Variants in ACO1 observed in about 807,000 individuals in gnomAD.
The protein encoded by ACO1 is cytoplasmic aconitate hydratase.
In ACO1, 78 loss-of-function variants were observed where a neutral mutation model predicts 105.1. That is an observed-to-expected ratio of 0.74 (90% CI 0.62 to 0.90). The LOEUF is 0.90. Ranked by LOEUF, ACO1 falls within the 40% of genes least tolerant of loss-of-function variation. ACO1 has a pLI of 0.00. For synonymous variants in ACO1, 364 were observed against 397.4 expected (o/e 0.92, Z 1.00); for missense variants, 965 against 1,111.1 (o/e 0.87, Z 1.87).
chr9:32,411,154 G>A lies in ACO1; in HGVS notation c.404+2503G>A, dbSNP rs142703599. Among the ~76,000 whole-genome samples the A allele has an allele frequency of 2.6e-5, 4 of 152,312 alleles. No individual in the cohort carries two copies. The East Asian group carries it at 7.7e-4, about 29-fold the overall frequency. On this transcript the variant is annotated intron_variant, in intron 4 of 20. Coordinates refer to ENST00000309951, the MANE Select transcript of ACO1 (RefSeq NM_002197.3). ...CCCAAAGCTGGAATGGGGAAATACA[G>A]TCCACCCGTCTTCGGTGGAAGTAAC...
intron 8 of ACO1, among the ~76,000 whole-genome samples, chr9:32,422,184 C>T (rs1237948497): frequency 6.6e-6 from 1 of 152,218 alleles, no homozygotes; most frequent in Admixed American, 6.5e-5. Context: ...GGTTAGTTCC[C>T]GTGGTGCTGC....
In ACO1 at chr9:32,450,650, ACTC is replaced by A. The variant is rs1240681888; in HGVS notation, c.*543_*545del. The A allele has an allele frequency of 6.3e-6, 1 of 158,314 alleles. No homozygotes were observed. Among genetic ancestry groups the A allele is most frequent in the Admixed American group, 6.3e-5 (1 of 15,848 alleles). 9.8% of individuals were successfully genotyped at this position (158,314 alleles called of 1,614,324 possible). ...TTTTCCTTCAGAGTGAATCATCCAG[ACTC>A]CTCATGGATAGGTCGGGTGTTAAAG... On this transcript the variant is annotated 3_prime_UTR_variant, in exon 21 of 21. Transcript: ENST00000309951.
chr9:32,449,617 A>C (rs879716822), intron 20 of ACO1, among the ~76,000 whole-genome samples: 9 of 152,204 alleles, frequency 5.9e-5, no homozygotes, highest in Admixed American at 2.0e-4. Flanking sequence ...CCTAAGGGAC[A>C]ACCTTAATGA....
chr9:32,418,802 G>A (rs1487191026), intron 6 of ACO1, among the ~76,000 whole-genome samples: 3 of 152,192 alleles, frequency 2.0e-5, no homozygotes, highest in Non-Finnish European at 4.4e-5. Flanking sequence ...TTCTTTGCAT[G>A]TGGCATCAAG....
chr9:32,421,904 A>C (rs1166778172), intron 8 of ACO1, among the ~76,000 whole-genome samples: 5 of 152,218 alleles, frequency 3.3e-5, no homozygotes, highest in Non-Finnish European at 7.3e-5. Flanking sequence ...ACAGACTCCA[A>C]ATAAATCTTA....
At chr9:32,391,479 T>C (rs1408666295) in intron 1 of ACO1, among the ~76,000 whole-genome samples, 3 of 152,252 alleles carry the variant, frequency 2.0e-5, no homozygotes, top group Non-Finnish European at 2.9e-5. Context: ...TCTGCTGTTA[T>C]CTTTGGTGTC....
chr9:32,390,326 G>A (rs1277460577), intron 1 of ACO1, among the ~76,000 whole-genome samples: 1 of 152,164 alleles, frequency 6.6e-6, no homozygotes, highest in Non-Finnish European at 1.5e-5. Context: ...TCTCTACTTT[G>A]GTATTTGCTC....
intron 1 of ACO1, among the ~76,000 whole-genome samples, chr9:32,390,076 G>A (rs534773525): frequency 6.6e-6 from 1 of 152,188 alleles, no homozygotes; most frequent in African/African-American, 2.4e-5. Context: ...GGGATTACAG[G>A]CATGAGCCAC....
At chr9:32,438,146 A>G (rs974430397) in intron 18 of ACO1, among the ~76,000 whole-genome samples, 1 of 152,220 alleles carries the variant, frequency 6.6e-6, no homozygotes, top group African/African-American at 2.4e-5. Flanking sequence ...GCTCACATGA[A>G]ACAACAGGAA....
intron 19 of ACO1, 45 bp from the exon 20 acceptor site, chr9:32,448,851 A>C (rs371204549): frequency 6.2e-7 from 1 of 1,609,484 alleles, no homozygotes; most frequent in African/African-American, 1.3e-5. Flanking sequence ...GTGTATCCAA[A>C]GAAAAGATTG....
intron 1 of ACO1, among the ~76,000 whole-genome samples, chr9:32,394,143 T>C (rs1217634639): frequency 1.3e-5 from 2 of 152,248 alleles, no homozygotes; most frequent in Non-Finnish European, 2.9e-5. Flanking sequence ...CACACTTTTG[T>C]GCCTTTAATG....
chr9:32,408,071 A>G (rs547254553), intron 3 of ACO1, among the ~76,000 whole-genome samples: 20 of 152,326 alleles, frequency 1.3e-4, no homozygotes, highest in African/African-American at 4.8e-4. Flanking sequence ...TTCATTTAAC[A>G]TGAATTTGAT....
At chr9:32,427,951 T>A (rs879771037) in intron 12 of ACO1, among the ~76,000 whole-genome samples, 1 of 152,162 alleles carries the variant, frequency 6.6e-6, no homozygotes, top group Non-Finnish European at 1.5e-5. Context: ...TTGAAGTTTT[T>A]ATTTTTTTAC....
In ACO1 at chr9:32,433,829, C is replaced by T. The variant is rs554093149; in HGVS notation, c.1953C>T (p.Asn651=). Residue 651 remains asparagine (N), a synonymous_variant, in exon 16 of 21, where the codon AAC becomes AAT. Coordinates refer to ENST00000309951, the MANE Select transcript of ACO1 (RefSeq NM_002197.3). ...TYIKSPPFFE[N]LTLDLQPPKS... is the part of the protein sequence containing the mutation. The stretch of plus-strand genomic sequence containing the variant: ...TCAAATCACCACCATTCTTTGAAAA[C>T]CTGGTATGGCTTTTTATTTTTTAAC... 152 of 1,587,126 alleles carry T rather than the reference C, an allele frequency of 9.6e-5. No homozygotes were observed. Among genetic ancestry groups the T allele is most frequent in the Non-Finnish European group, 2.6e-6 (3 of 1,168,790 alleles).
chr9:32,384,783 C>G (rs1429917157), intron 1 of ACO1, 48 bp downstream of exon 1: 2 of 355,746 alleles, frequency 5.6e-6, no homozygotes, highest in Non-Finnish European at 1.1e-5. Context: ...GGAGCGCCGT[C>G]CACCCTGTAT....
chr9:32,422,937 T>C (rs148557551), intron 8 of ACO1, among the ~76,000 whole-genome samples: 164 of 152,344 alleles, frequency 1.1e-3, no homozygotes, highest in African/African-American at 3.6e-3. Context: ...ACGGTAATCA[T>C]GTGGAATGCT....
chr9:32,426,333 G>A (rs995757551), intron 11 of ACO1, among the ~76,000 whole-genome samples: 3 of 152,166 alleles, frequency 2.0e-5, no homozygotes, highest in East Asian at 1.9e-4. Flanking sequence ...TTTGTTCTCC[G>A]TGAAACCCCT....
chr9:32,398,434 G>C (rs970451386), intron 1 of ACO1, among the ~76,000 whole-genome samples: 3 of 152,164 alleles, frequency 2.0e-5, no homozygotes, highest in Non-Finnish European at 2.9e-5. Context: ...TGTATGGGCT[G>C]ACGTGGTTTT....
At position 32,433,836 on chromosome 9, in the gene ACO1, T is replaced by C. The variant is rs202234994; in HGVS notation, c.1956+4T>C. On this transcript the variant is annotated splice_donor_region_variant and intron_variant, in intron 16 of 20. Transcript: ENST00000309951. Reference sequence around the variant, plus strand: ...ACCACCATTCTTTGAAAACCTGGTATGGCTTTTTATTTTTTAACAAAATGA... The same window carrying C: ...ACCACCATTCTTTGAAAACCTGGTACGGCTTTTTATTTTTTAACAAAATGA... 1.6e-4 allele frequency: 258 copies of C among 1,577,534 alleles called. No homozygotes were observed. The highest frequency in any genetic ancestry group is 2.0e-4 in the Non-Finnish European group (229 of 1,162,538).
Sources: gnomAD v4.1 joint callset for allele counts (sites outside exome capture counted in the v4.1 genomes callset) on GRCh38, gnomAD v4.1.1 for gene constraint, MANE v1.5 for transcripts, NCBI Gene and HGNC (gene_info 2026-07-23, HGNC 2026-07-21) for gene names.